The following DOCK10 variants were observed in gnomAD, a reference collection of about 807,000 sequenced individuals.
The protein encoded by DOCK10 is dedicator of cytokinesis 10, also known as dedicator of cytokinesis protein 10.
Under a neutral mutation model 280.1 loss-of-function variants are expected in DOCK10, and 145 were observed. That is an observed-to-expected ratio of 0.52 (90% confidence interval 0.45 to 0.59). The LOEUF (loss-of-function observed/expected upper bound fraction) is 0.59. Ranked by LOEUF, DOCK10 falls within the 20% of genes least tolerant of loss-of-function variation. The pLI is 0.00. For missense variants in DOCK10, 2,368 were observed against 2,651.7 expected (o/e 0.89, Z 2.35); for synonymous variants, 915 against 942.2 (o/e 0.97, Z 0.53).
intron 14 of DOCK10, 74 bp from the exon 15 acceptor site, chr2:224,857,056 A>C: frequency 8.2e-7 from 1 of 1,225,870 alleles, no homozygotes; most frequent in Non-Finnish European, 1.1e-6. Context: ...TGACTATATT[A>C]ATTAAACTTC....
At chr2:224,840,184 T>C (rs1695872372) in intron 23 of DOCK10, 112 bp from the exon 24 acceptor site, 1 of 578,122 alleles carries the variant, frequency 1.7e-6, no homozygotes, top group Admixed American at 2.9e-5. Context: ...AAAAACTTCG[T>C]GACATTAGAC....
chr2:224,999,630 C>A (rs1254123696), intron 1 of DOCK10, among the ~76,000 whole-genome samples: 1 of 151,984 alleles, frequency 6.6e-6, no homozygotes, highest in Middle Eastern at 3.2e-3. Context: ...GAGTCCTATC[C>A]TCTGGGAGCT....
chr2:224,917,672 A>C (rs953182808), intron 2 of DOCK10, among the ~76,000 whole-genome samples: 1 of 152,214 alleles, frequency 6.6e-6, no homozygotes, highest in Non-Finnish European at 1.5e-5. Flanking sequence ...TTCCATGCTA[A>C]ATAAACAATA....
chr2:224,800,287 G>C (rs759693250), intron 40 of DOCK10, 24 bp from the exon 41 acceptor site: 1 of 1,466,188 alleles, frequency 6.8e-7, no homozygotes, highest in Non-Finnish European at 9.5e-7. Context: ...AATAAAACAT[G>C]CGTAAAAGTC....
chr2:225,042,168 C>T lies in DOCK10; in HGVS notation c.123+84G>A, dbSNP rs1690450823. On this transcript the variant is annotated intron_variant, in intron 1 of 55. Transcript: ENST00000258390. The surrounding 1 kb of genome is among the most constrained non-coding windows in gnomAD (Gnocchi z 5.1). ...CCCGTGAGCTGCGGGGACCTGGGCC[C>T]GCCGAGCTTTTGGGGAAGCTGGGCT... 4 of 1,206,434 alleles carry T rather than the reference C, an allele frequency of 3.3e-6. No individual in the cohort carries two copies. The highest frequency in any genetic ancestry group is 3.4e-5 in the East Asian group (1 of 29,764). 74.7% of individuals were successfully genotyped at this position (1,206,434 alleles called of 1,614,324 possible).
Position 224,956,499 on chromosome 2 carries a change from C to T in DOCK10, c.124-24831G>A, listed in dbSNP as rs187392827. 9.1e-4 allele frequency among the ~76,000 whole-genome samples: 139 copies of T among 152,132 alleles called. 7 individuals are homozygous for T. In the East Asian group the frequency reaches 0.02, roughly 22 times the overall value. ...ATGAGCTGGGCATGGTGGCATGCAC[C>T]TGTAATCCCAGGTACTCAGGAGCCT... On this transcript the variant is annotated intron_variant, in intron 1 of 55. Transcript: ENST00000258390.
chr2:225,020,517 C>T (rs1400938536), intron 1 of DOCK10, among the ~76,000 whole-genome samples: 1 of 152,196 alleles, frequency 6.6e-6, no homozygotes, highest in Non-Finnish European at 1.5e-5. Flanking sequence ...AAAAATCATA[C>T]ATTATTATTT....
chr2:224,852,407 A>T lies in DOCK10; in HGVS notation c.2112T>A (p.Asn704Lys). Reference protein sequence around the residue: ...RNITVCIEFKNSDEESAKPLK... With the variant: ...RNITVCIEFKKSDEESAKPLK... The stretch of plus-strand genomic sequence containing the variant: ...GGGGCTTGGCACTTTCTTCATCTGA[A>T]TTTTTGAATTCAATGCACACAGTTA... The change falls in exon 18 of 56, where the codon AAT becomes AAA. Residue 704 changes from asparagine to lysine, a missense_variant. By Grantham distance (94) the Asn-to-Lys change is moderately conservative (BLOSUM62 0). This residue lies in a region of DOCK10 where 1,209 missense variants were observed against 1,250.9 expected (regional missense o/e 0.97). Coordinates refer to ENST00000258390, the MANE Select transcript of DOCK10 (RefSeq NM_014689.3). 1 of 1,571,918 alleles carries T rather than the reference A, an allele frequency of 6.4e-7. No individual in the cohort carries two copies. The highest frequency in any genetic ancestry group is 8.6e-7 in the Non-Finnish European group (1 of 1,157,422).
chr2:224,787,478 C>G lies in DOCK10; in HGVS notation c.5419-81G>C, dbSNP rs1301332792. 3.9e-6 allele frequency: 6 copies of G among 1,553,538 alleles called. No individual in the cohort carries two copies. In the African/African-American group the frequency reaches 8.2e-5, roughly 21 times the overall value. The stretch of plus-strand genomic sequence containing the variant: ...CTGAAACTTGGTTTCCAAGCTGTTG[C>G]ATTGTCAAACTTTTCCCTCTGTTAC... On this transcript the variant is annotated intron_variant, in intron 48 of 55. Transcript: ENST00000258390.
chr2:224,844,740 T>A lies in DOCK10; in HGVS notation c.2568+13A>T. On this transcript the variant is annotated intron_variant, in intron 22 of 55. Coordinates refer to ENST00000258390, the MANE Select transcript of DOCK10 (RefSeq NM_014689.3). ...TTAGAGAAGATGCTAGTATTTCAGGTCAACATACTCACCTGAGTATTTACT... is the reference window on the plus strand; with the variant it reads ...TTAGAGAAGATGCTAGTATTTCAGGACAACATACTCACCTGAGTATTTACT... 1 of 1,543,488 alleles carries A rather than the reference T, an allele frequency of 6.5e-7. No homozygotes were observed. Among genetic ancestry groups the A allele is most frequent in the South Asian group, 1.2e-5 (1 of 85,396 alleles).
At chr2:224,944,103 G>A (rs962596585) in intron 1 of DOCK10, among the ~76,000 whole-genome samples, 2 of 152,046 alleles carry the variant, frequency 1.3e-5, no homozygotes, top group Admixed American at 6.6e-5. Flanking sequence ...TGCTGGGCAC[G>A]GTACAATGAG....
At chr2:224,846,645 C>T (rs191509948) in intron 19 of DOCK10, among the ~76,000 whole-genome samples, 203 of 152,070 alleles carry the variant, frequency 1.3e-3, no homozygotes, top group African/African-American at 3.8e-3. Flanking sequence ...TACAGGAGCA[C>T]GCCACCACAC....
intron 1 of DOCK10, among the ~76,000 whole-genome samples, chr2:225,002,716 C>A (rs763245216): frequency 1.3e-5 from 2 of 152,202 alleles, no homozygotes; most frequent in African/African-American, 4.8e-5. Context: ...GCTGGCATCT[C>A]GTCACCCACA....
chr2:224,771,763 C>G (rs1690454805), intron 53 of DOCK10, among the ~76,000 whole-genome samples: 1 of 152,192 alleles, frequency 6.6e-6, no homozygotes, highest in Non-Finnish European at 1.5e-5. Flanking sequence ...TCCCTTCACT[C>G]AGCTATGTGC....
At position 224,806,225 on chromosome 2, in the gene DOCK10, C is replaced by T. The variant is rs781423015; in HGVS notation, c.3715G>A (p.Asp1239Asn). ...TGAAATCCTCCATTGGTGCTTAGAT[C>T]ATCTCTAGACCCCTGTATTCAAAGT... ...VNTSNQGSRD[D>N]LSTNGGFQSQ... The change falls in exon 34 of 56, where the codon GAT (aspartate) becomes AAT (asparagine). Residue 1239 changes from aspartate (D) to asparagine (N), a missense_variant. Asp to Asn is a conservative substitution (Grantham distance 23). Coordinates refer to ENST00000258390, the MANE Select transcript of DOCK10 (RefSeq NM_014689.3). 1 of 1,597,720 alleles carries T rather than the reference C, an allele frequency of 6.3e-7. No homozygotes were observed.
intron 22 of DOCK10, 112 bp downstream of exon 22, chr2:224,844,641 C>T: frequency 2.8e-6 from 2 of 724,196 alleles, no homozygotes; most frequent in East Asian, 2.7e-5. Flanking sequence ...TATTCAAACA[C>T]CTGCCTTTCT....
intron 1 of DOCK10, chr2:224,947,026 C>T: frequency 6.9e-7 from 1 of 1,445,790 alleles, no homozygotes; most frequent in Non-Finnish European, 9.1e-7. Context: ...TGAAGCGTCA[C>T]CAGGCTGAAC....
intron 11 of DOCK10, among the ~76,000 whole-genome samples, chr2:224,865,478 G>GC (rs1697846024): frequency 6.6e-6 from 1 of 152,190 alleles, no homozygotes; most frequent in Non-Finnish European, 1.5e-5. Context: ...CCACATCTCT[G>GC]TTTTTTATCA....
intron 1 of DOCK10, among the ~76,000 whole-genome samples, chr2:224,999,348 A>G (rs1706363385): frequency 6.6e-6 from 1 of 150,886 alleles, no homozygotes; most frequent in Admixed American, 6.6e-5. Context: ...CCTCATTCAT[A>G]GTTTAAACTT....
Sources: allele counts gnomAD v4.1 joint callset (sites outside exome capture counted in the v4.1 genomes callset), GRCh38; gene constraint gnomAD v4.1.1; regional missense constraint gnomAD v4.1.1; non-coding constraint Gnocchi (gnomAD v3.1); transcripts MANE v1.5; gene names NCBI Gene and HGNC (gene_info 2026-07-23, HGNC 2026-07-21).